Variants in UIMC1 observed in about 807,000 individuals in gnomAD.
UIMC1 encodes ubiquitin interaction motif containing 1.
Under a neutral mutation model 84.9 loss-of-function variants are expected in UIMC1, and 42 were observed. The observed-to-expected ratio is 0.49, with a 90% CI of 0.39 to 0.64. UIMC1 has a LOEUF of 0.64. Ranked by LOEUF, UIMC1 falls within the 30% of genes least tolerant of loss-of-function variation. The pLI, the probability that UIMC1 is intolerant of heterozygous loss-of-function variation, is 0.00. For missense variants in UIMC1, 825 were observed against 847.6 expected (o/e 0.97, Z 0.33); for synonymous variants, 281 against 293.0 (o/e 0.96, Z 0.42).
chr5:176,907,459 G>GT (rs1561702277), intron 12 of UIMC1, among the ~76,000 whole-genome samples: 1 of 152,200 alleles, frequency 6.6e-6, no homozygotes, highest in East Asian at 1.9e-4. Context: ...GGCTGTATAA[G>GT]TAAGTGCTTA....
chr5:176,956,372 T>C (rs1016767024), intron 7 of UIMC1, among the ~76,000 whole-genome samples: 1 of 152,174 alleles, frequency 6.6e-6, no homozygotes, highest in East Asian at 1.9e-4. Flanking sequence ...TCAAAGGTGT[T>C]TTATAGCCTC....
chr5:176,905,533 C>T lies in UIMC1; in HGVS notation c.1950-41G>A, dbSNP rs1173006129. The T allele has an allele frequency of 3.2e-6, 5 of 1,582,934 alleles. No homozygotes were observed. The East Asian group carries it at 8.9e-5, about 28-fold the overall frequency. The stretch of plus-strand genomic sequence containing the variant: ...AAAATTCAGATTCAATATACACCTA[C>T]TAAGCATCAAGGACATGCTATGCAC... On this transcript the variant is annotated intron_variant, in intron 14 of 14. Transcript: ENST00000511320.
chr5:176,954,346 C>A (rs1179264616), intron 8 of UIMC1, among the ~76,000 whole-genome samples: 5 of 152,116 alleles, frequency 3.3e-5, no homozygotes, highest in Non-Finnish European at 5.9e-5. Context: ...AGTGCTCCTG[C>A]CAAAATCTGA....
intron 6 of UIMC1, 66 bp downstream of exon 6, chr5:176,968,489 G>C: frequency 1.3e-6 from 2 of 1,523,486 alleles, no homozygotes; most frequent in Non-Finnish European, 1.8e-6. Flanking sequence ...AAAAATAACA[G>C]CTAAAATAAT....
rs1024998332 is a variant in UIMC1, at chr5:176,987,145, G to A, written c.-8-4522C>T. Among the ~76,000 whole-genome samples, 8 of 152,060 alleles carry A rather than the reference G, an allele frequency of 5.3e-5. No homozygotes were observed. In the South Asian group the frequency reaches 6.2e-4, roughly 12 times the overall value. On this transcript the variant is annotated intron_variant, in intron 1 of 14. Coordinates refer to ENST00000511320, the MANE Select transcript of UIMC1 (RefSeq NM_001199298.2). ...TGAGGCAGGAGAATCACTTGAACCC[G>A]GGAGGCAGAGGTTGCAGTGACCCAA...
chr5:176,931,660 T>G (rs898215018), intron 10 of UIMC1, among the ~76,000 whole-genome samples: 1 of 152,218 alleles, frequency 6.6e-6, no homozygotes, highest in Non-Finnish European at 1.5e-5. Flanking sequence ...CATGAGGAAA[T>G]GTTCCACAGA....
chr5:176,941,055 G>A lies in UIMC1; in HGVS notation c.1597+2280C>T, dbSNP rs558438399. Reference sequence around the variant, plus strand: ...TTGGGAAATAATCCCAAAATACAGCGACAATTTTAGGCTAAGAGGCTCAGT... The same window carrying A: ...TTGGGAAATAATCCCAAAATACAGCAACAATTTTAGGCTAAGAGGCTCAGT... On this transcript the variant is annotated intron_variant, in intron 10 of 14. Coordinates refer to ENST00000511320, the MANE Select transcript of UIMC1 (RefSeq NM_001199298.2). Among the ~76,000 whole-genome samples, 285 of 152,240 alleles carry A rather than the reference G, an allele frequency of 1.9e-3. 2 individuals are homozygous for A. The highest frequency in any genetic ancestry group is 6.6e-3 in the African/African-American group (272 of 41,522).
At chr5:176,977,766 C>T (rs990210323) in intron 2 of UIMC1, among the ~76,000 whole-genome samples, 15 of 151,558 alleles carry the variant, frequency 9.9e-5, no homozygotes, top group African/African-American at 3.2e-4. Flanking sequence ...AAAAATTGCG[C>T]AGGTGTGGTG....
chr5:177,014,201 C>T (rs1448444736), intron 1 of UIMC1, among the ~76,000 whole-genome samples: 1 of 151,658 alleles, frequency 6.6e-6, no homozygotes, highest in Non-Finnish European at 1.5e-5. Flanking sequence ...TACAGGCGTG[C>T]AACACCATGC....
chr5:176,966,597 T>A (rs1348353025), intron 6 of UIMC1, among the ~76,000 whole-genome samples: 1 of 151,532 alleles, frequency 6.6e-6, no homozygotes, highest in Non-Finnish European at 1.5e-5. Flanking sequence ...ATATAAAGAG[T>A]TTATATTATT....
chr5:176,910,179 C>T (rs1759935133), intron 11 of UIMC1, among the ~76,000 whole-genome samples: 1 of 152,202 alleles, frequency 6.6e-6, no homozygotes, highest in African/African-American at 2.4e-5. Context: ...AATTCCTAGA[C>T]GAATGTCTAC....
intron 1 of UIMC1, among the ~76,000 whole-genome samples, chr5:176,987,736 A>G (rs1221156045): frequency 6.6e-6 from 1 of 151,962 alleles, no homozygotes; most frequent in East Asian, 1.9e-4. Context: ...AGGAGGAGGG[A>G]TCACCTAAGC....
At chr5:176,959,499 G>A (rs1399428805) in intron 6 of UIMC1, among the ~76,000 whole-genome samples, 2 of 140,712 alleles carry the variant, frequency 1.4e-5, no homozygotes, top group African/African-American at 2.6e-5. Flanking sequence ...GGCAGATCAC[G>A]AGGTCAGGAG....
At chr5:176,946,490 T>A (rs1415586386) in intron 9 of UIMC1, among the ~76,000 whole-genome samples, 1 of 142,514 alleles carries the variant, frequency 7.0e-6, no homozygotes, top group Non-Finnish European at 1.5e-5. Flanking sequence ...CCAGCCTGGG[T>A]GACAGAGCAA....
chr5:176,964,550 ATAT>A (rs1768006056), intron 6 of UIMC1, among the ~76,000 whole-genome samples: 1 of 152,218 alleles, frequency 6.6e-6, no homozygotes, highest in Admixed American at 6.5e-5. Flanking sequence ...AATGTTTAAA[ATAT>A]TATGGTAAAT....
chr5:176,975,478 T>C lies in UIMC1; in HGVS notation c.150A>G (p.Glu50=), dbSNP rs1690375422. Residue 50 remains glutamate (E), a splice_region_variant and synonymous_variant, in exon 3 of 15, where the codon GAA becomes GAG. Transcript: ENST00000511320. The stretch of plus-strand genomic sequence containing the variant: ...TCTGCAACCCATTTTCCTCCTTTGG[T>C]TCCTGTTGCAAAACAAGAAATATCA... ...FIVISDSDGE[E]PKEENGLQKT... The C allele has an allele frequency of 3.7e-6, 6 of 1,614,070 alleles. No individual in the cohort carries two copies. The highest frequency in any genetic ancestry group is 5.1e-6 in the Non-Finnish European group (6 of 1,179,980).
At chr5:176,914,588 G>C (rs566308242) in intron 10 of UIMC1, among the ~76,000 whole-genome samples, 4 of 152,302 alleles carry the variant, frequency 2.6e-5, no homozygotes, top group Non-Finnish European at 5.9e-5. Context: ...AAGGTGTAAA[G>C]AGATATGCGT....
chr5:176,917,504 G>A (rs377716531), intron 10 of UIMC1, among the ~76,000 whole-genome samples: 253 of 152,226 alleles, frequency 1.7e-3, no homozygotes, highest in African/African-American at 5.7e-3. Context: ...CCCGGGAGAC[G>A]GAGGTTGCAG....
intron 1 of UIMC1, among the ~76,000 whole-genome samples, chr5:176,984,969 A>T (rs968793733): frequency 1.3e-5 from 2 of 152,144 alleles, no homozygotes; most frequent in South Asian, 4.2e-4. Context: ...GGCCACAGGG[A>T]CCTCTGCCTA....
Sources: gnomAD v4.1 joint callset for allele counts (sites outside exome capture counted in the v4.1 genomes callset) on GRCh38, gnomAD v4.1.1 for gene constraint, MANE v1.5 for transcripts, NCBI Gene and HGNC (gene_info 2026-07-23, HGNC 2026-07-21) for gene names.